The following MANSC1 variants were observed in gnomAD, a reference collection of about 807,000 sequenced individuals.
MANSC1 encodes the protein MANSC domain-containing protein 1.
MANSC1 carries 13 observed loss-of-function variants against 14.1 expected under a neutral mutation model. The observed-to-expected ratio is 0.92, with a 90% CI of 0.60 to 1.46. The LOEUF is 1.46. MANSC1 is among the 40% of genes most tolerant of loss of function. MANSC1 has a pLI of 0.00. For synonymous variants in MANSC1, 227 were observed against 200.7 expected, an observed-to-expected ratio of 1.13 and a Z score of -1.11; for missense variants, 486 against 511.4, an observed-to-expected ratio of 0.95 and a Z score of 0.48.
chr12:12,342,872 G>T (rs1026195678), intron 2 of MANSC1, among the ~76,000 whole-genome samples: 2 of 152,006 alleles, frequency 1.3e-5, no homozygotes, highest in Non-Finnish European at 2.9e-5. Context: ...TCAACCTCTT[G>T]TCTACCCAGT....
intron 3 of MANSC1, among the ~76,000 whole-genome samples, chr12:12,333,934 G>A (rs1862824491): frequency 1.3e-5 from 2 of 152,112 alleles, no homozygotes; most frequent in East Asian, 1.9e-4. Flanking sequence ...CTCTTGGTCC[G>A]TAAATATTAG....
At chr12:12,338,890 A>ACACACACACACACACACACAC (rs1555141160) in intron 2 of MANSC1, 3 of 192,924 alleles carry the variant, frequency 1.6e-5, no homozygotes, top group African/African-American at 2.5e-5. Context: ...CACACACACA[A>ACACACACACACACACACACAC]ACACACACAC....
rs35684053 is a variant in MANSC1 at position 12,328,984 on chromosome 12, T to TCACACACACACACACACACACA, written c.*1021_*1042dup. ...GCCTGGGTGACAGAGCAAGACTCTG[T>TCACACACACACACACACACACA]CACACACACACACACACACACACAC... On this transcript the variant is annotated 3_prime_UTR_variant, in exon 4 of 4. Transcript: ENST00000535902. 2 of 131,628 alleles carry TCACACACACACACACACACACA rather than the reference T, an allele frequency of 1.5e-5. No homozygotes were observed. Among genetic ancestry groups the TCACACACACACACACACACACA allele is most frequent in the Non-Finnish European group, 3.2e-5 (2 of 62,620 alleles). The allele number at this position is 131,628 out of a possible 1,614,324, so 8.2% of individuals were successfully genotyped here.
At chr12:12,334,788 C>T (rs535910112) in intron 3 of MANSC1, among the ~76,000 whole-genome samples, 117 of 152,298 alleles carry the variant, frequency 7.7e-4, no homozygotes, top group Non-Finnish European at 1.4e-3. Context: ...TTTCTATCAT[C>T]GTATCCTAAC....
intron 1 of MANSC1, among the ~76,000 whole-genome samples, chr12:12,345,348 C>T (rs1339566234): frequency 1.3e-5 from 2 of 150,072 alleles, no homozygotes; most frequent in Non-Finnish European, 1.5e-5. Flanking sequence ...CTATTATTTT[C>T]CTCATTTTAT....
At chr12:12,338,890 A>AACACACACACACACACACACACACACAC (rs56183211) in intron 2 of MANSC1, 5 of 193,012 alleles carry the variant, frequency 2.6e-5, no homozygotes, top group South Asian at 8.3e-5. Flanking sequence ...CACACACACA[A>AACACACACACACACACACACACACACAC]ACACACACAC....
intron 3 of MANSC1, among the ~76,000 whole-genome samples, chr12:12,333,719 T>C (rs942175189): frequency 6.6e-6 from 1 of 152,212 alleles, no homozygotes; most frequent in African/African-American, 2.4e-5. Context: ...ACGACTTCAC[T>C]GAGTTGAAAA....
chr12:12,341,592 T>C (rs1007703706), intron 2 of MANSC1, among the ~76,000 whole-genome samples: 3 of 152,192 alleles, frequency 2.0e-5, no homozygotes, highest in Non-Finnish European at 4.4e-5. Flanking sequence ...TTCCAAGGTT[T>C]TTAGGAGTTC....
At position 12,343,349 on chromosome 12, in the gene MANSC1, C is replaced by G. The variant is rs1862963785; in HGVS notation, c.-35G>C. On this transcript the variant is annotated 5_prime_UTR_variant, in exon 2 of 4. Transcript: ENST00000535902. ...CAGTTTAGTTTTGGTCTTCAAAGGTCAAGGATAATCCTCCCTCTGGTCTTA... is the reference window on the plus strand; with the variant it reads ...CAGTTTAGTTTTGGTCTTCAAAGGTGAAGGATAATCCTCCCTCTGGTCTTA... 2.0e-6 allele frequency: 3 copies of G among 1,464,228 alleles called. No individual in the cohort carries two copies. In the African/African-American group the frequency reaches 4.2e-5, roughly 20 times the overall value. 90.7% of individuals were successfully genotyped at this position (1,464,228 alleles called of 1,614,324 possible).
intron 2 of MANSC1, among the ~76,000 whole-genome samples, chr12:12,342,883 C>T (rs1341988605): frequency 6.6e-6 from 1 of 152,138 alleles, no homozygotes; most frequent in Non-Finnish European, 1.5e-5. Flanking sequence ...TCTACCCAGT[C>T]ACCTGAGGGA....
intron 1 of MANSC1, among the ~76,000 whole-genome samples, chr12:12,347,333 A>T (rs1049207693): frequency 6.6e-6 from 1 of 152,144 alleles, no homozygotes; most frequent in Non-Finnish European, 1.5e-5. Flanking sequence ...GCAGTTCACA[A>T]CAGGGTTCGT....
Position 12,329,245 on chromosome 12 carries a change from C to T in MANSC1, c.*782G>A, listed in dbSNP as rs938221810. 3.9e-5 allele frequency: 6 copies of T among 152,074 alleles called. No individual in the cohort carries two copies. The highest frequency in any genetic ancestry group is 3.3e-4 in the Admixed American group (5 of 15,266). The allele number at this position is 152,074 out of a possible 1,614,324, so 9.4% of individuals were successfully genotyped here. ...ATGGAAAGTTATCCAGCTGGACATG[C>T]TACTTATGAGAACACTACTGAGTAA... On this transcript the variant is annotated 3_prime_UTR_variant, in exon 4 of 4. Coordinates refer to ENST00000535902, the MANE Select transcript of MANSC1 (RefSeq NM_018050.4).
Position 12,347,689 on chromosome 12 carries a change from C to T in MANSC1, c.-101+2389G>A, listed in dbSNP as rs59272770. 4.2e-3 allele frequency among the ~76,000 whole-genome samples: 640 copies of T among 152,300 alleles called. 4 individuals carry two copies. The highest frequency in any genetic ancestry group is 0.014 in the African/African-American group (578 of 41,564). On this transcript the variant is annotated intron_variant, in intron 1 of 3. Transcript: ENST00000535902. ...GTCATTAGGGGATTGCAAATTCAAA[C>T]AAGATACCACTACCCACCTATGAGA... is the stretch of plus-strand genomic sequence containing the variant.
Position 12,330,035 on chromosome 12 carries a change from C to T in MANSC1, c.1288G>A (p.Asp430Asn), listed in dbSNP as rs747603144. Residue 430 changes from aspartate (D) to asparagine (N), a missense_variant, in exon 4 of 4, where the codon GAC (aspartate) becomes AAC (asparagine). Asp to Asn is a conservative substitution (Grantham distance 23). Coordinates refer to ENST00000535902, the MANE Select transcript of MANSC1 (RefSeq NM_018050.4). ...GACACCGAGTTCCATCCTTAGATGTCCACATAGATCCCATTGATCAAATAA... is the reference window on the plus strand; with the variant it reads ...GACACCGAGTTCCATCCTTAGATGTTCACATAGATCCCATTGATCAAATAA... ...LDYLINGIYV[D>N]I 6.9e-5 allele frequency: 112 copies of T among 1,612,774 alleles called. No individual in the cohort carries two copies. Among genetic ancestry groups the T allele is most frequent in the Non-Finnish European group, 9.2e-5 (108 of 1,179,312 alleles).
intron 1 of MANSC1, among the ~76,000 whole-genome samples, chr12:12,347,304 G>A (rs991813419): frequency 6.6e-5 from 10 of 152,192 alleles, no homozygotes; most frequent in Non-Finnish European, 1.2e-4. Context: ...GGAGTGTGCA[G>A]CCTAGATCCC....
intron 2 of MANSC1, among the ~76,000 whole-genome samples, chr12:12,342,596 T>G (rs1035976788): frequency 1.8e-4 from 26 of 147,146 alleles, no homozygotes; most frequent in South Asian, 4.4e-4. Context: ...TTTTTTTTTT[T>G]TTTTTTTTTT....
chr12:12,343,620 T>A (rs1296828344), intron 1 of MANSC1, among the ~76,000 whole-genome samples: 1 of 152,188 alleles, frequency 6.6e-6, no homozygotes, highest in Non-Finnish European at 1.5e-5. Flanking sequence ...TAAACAAACA[T>A]ACTACCTCAC....
intron 3 of MANSC1, among the ~76,000 whole-genome samples, chr12:12,333,625 C>T (rs879267316): frequency 3.9e-5 from 6 of 152,188 alleles, no homozygotes; most frequent in Non-Finnish European, 8.8e-5. Context: ...ATGGTGCTTC[C>T]TCTCAGTCAC....
chr12:12,331,873 A>C (rs1276676696), intron 3 of MANSC1, among the ~76,000 whole-genome samples: 1 of 152,182 alleles, frequency 6.6e-6, no homozygotes, highest in African/African-American at 2.4e-5. Flanking sequence ...TGGACTCTCA[A>C]AGATTAGAAT....
Sources: allele counts gnomAD v4.1 joint callset (sites outside exome capture counted in the v4.1 genomes callset), GRCh38; gene constraint gnomAD v4.1.1; transcripts MANE v1.5; gene names NCBI Gene and HGNC (gene_info 2026-07-23, HGNC 2026-07-21).